Variants in DPYSL2 observed in about 807,000 individuals in gnomAD.
The protein encoded by DPYSL2 is dihydropyrimidinase like 2.
A neutral mutation model predicts 69.9 loss-of-function variants in DPYSL2; 13 were observed. The observed-to-expected ratio is 0.19, with a 90% CI of 0.12 to 0.30. DPYSL2 has a LOEUF of 0.30. Ranked by LOEUF, DPYSL2 falls within the 10% of genes least tolerant of loss-of-function variation. DPYSL2 has a pLI of 1.00. For synonymous variants in DPYSL2, 326 were observed against 359.1 expected (o/e 0.91, Z 1.04); for missense variants, 587 against 918.9 (o/e 0.64, Z 4.67).
At chr8:26,518,841 T>C (rs953405216) in intron 1 of DPYSL2, among the ~76,000 whole-genome samples, 1 of 152,232 alleles carries the variant, frequency 6.6e-6, no homozygotes, top group Non-Finnish European at 1.5e-5. Flanking sequence ...AAGTCTTTAA[T>C]GATTTAAAAA....
At chr8:26,552,575 A>G (rs1227675586) in intron 1 of DPYSL2, among the ~76,000 whole-genome samples, 2 of 152,210 alleles carry the variant, frequency 1.3e-5, no homozygotes, top group Admixed American at 6.5e-5. Flanking sequence ...GAGGCTGGGA[A>G]GTCCAAAGTC....
At chr8:26,583,136 A>G (rs540049101) in intron 2 of DPYSL2, among the ~76,000 whole-genome samples, 3 of 152,208 alleles carry the variant, frequency 2.0e-5, no homozygotes, top group Non-Finnish European at 2.9e-5. Context: ...TCCTAGATTA[A>G]TATTCCTTTT....
At chr8:26,524,846 T>G (rs1410778088) in intron 1 of DPYSL2, among the ~76,000 whole-genome samples, 2 of 102,166 alleles carry the variant, frequency 2.0e-5, no homozygotes, top group Non-Finnish European at 4.3e-5. Context: ...AGAGAGAGAA[T>G]TACTGTTTTT....
chr8:26,601,090 G>C (rs1563404336), intron 3 of DPYSL2, among the ~76,000 whole-genome samples: 2 of 152,192 alleles, frequency 1.3e-5, no homozygotes, highest in Non-Finnish European at 2.9e-5. Flanking sequence ...ATTCCCTCCT[G>C]ATCTCCAGAG....
At chr8:26,553,798 A>C (rs1800903975) in intron 1 of DPYSL2, among the ~76,000 whole-genome samples, 2 of 151,918 alleles carry the variant, frequency 1.3e-5, no homozygotes, top group South Asian at 4.2e-4. Context: ...AGGAATGACC[A>C]CACTACTTTC....
chr8:26,525,165 T>C (rs1808456188), intron 1 of DPYSL2, among the ~76,000 whole-genome samples: 1 of 152,186 alleles, frequency 6.6e-6, no homozygotes, highest in African/African-American at 2.4e-5. Context: ...TAAGATTATA[T>C]AATTATTTAC....
At chr8:26,635,363 G>C (rs1802887672) in intron 8 of DPYSL2, among the ~76,000 whole-genome samples, 1 of 152,212 alleles carries the variant, frequency 6.6e-6, no homozygotes. Flanking sequence ...ACATCCAGAT[G>C]TTTTGGTGCT....
chr8:26,602,810 G>A (rs1802021428), intron 3 of DPYSL2, among the ~76,000 whole-genome samples: 1 of 152,218 alleles, frequency 6.6e-6, no homozygotes, highest in Non-Finnish European at 1.5e-5. Flanking sequence ...AGATGAAAAT[G>A]AAATGTGAAG....
At chr8:26,525,140 T>C (rs570065304) in intron 1 of DPYSL2, among the ~76,000 whole-genome samples, 2 of 152,228 alleles carry the variant, frequency 1.3e-5, no homozygotes, top group Non-Finnish European at 2.9e-5. Flanking sequence ...TTTGCCTTTG[T>C]AGTCATTCTG....
rs1803379086 is a variant in DPYSL2 at position 26,655,982 on chromosome 8, T to G, written c.*276T>G. ...CATACAGGGAACCACACCCAACACTTAGACATGCGAACAAGCAGCCCCCAG... is the reference window on the plus strand; with the variant it reads ...CATACAGGGAACCACACCCAACACTGAGACATGCGAACAAGCAGCCCCCAG... On this transcript the variant is annotated 3_prime_UTR_variant, in exon 14 of 14. Coordinates refer to ENST00000521913, the MANE Select transcript of DPYSL2 (RefSeq NM_001197293.3). The G allele has an allele frequency of 3.1e-6, 1 of 326,794 alleles. No individual in the cohort carries two copies. Among genetic ancestry groups the G allele is most frequent in the Admixed American group, 4.8e-5 (1 of 20,626 alleles). The allele number at this position is 326,794 out of a possible 1,614,324, so 20.2% of individuals were successfully genotyped here.
intron 11 of DPYSL2, among the ~76,000 whole-genome samples, chr8:26,651,274 G>A (rs767855191): frequency 7.2e-5 from 11 of 152,188 alleles, no homozygotes; most frequent in Non-Finnish European, 1.5e-4. Context: ...TGAGCTGGCC[G>A]AATCCGTGTT....
chr8:26,544,493 T>C (rs1800733428), intron 1 of DPYSL2, among the ~76,000 whole-genome samples: 1 of 152,222 alleles, frequency 6.6e-6, no homozygotes. Flanking sequence ...CTGGACAGAC[T>C]AGATGTTTCA....
At chr8:26,561,475 G>C (rs965089227) in intron 1 of DPYSL2, among the ~76,000 whole-genome samples, 1 of 152,038 alleles carries the variant, frequency 6.6e-6, no homozygotes, top group Non-Finnish European at 1.5e-5. Flanking sequence ...ATATCTTAAA[G>C]GCATCTCAAA....
rs538318081 is a variant in DPYSL2, at chr8:26,539,898, G to C, written c.354+25219G>C. On this transcript the variant is annotated intron_variant, in intron 1 of 13. Coordinates refer to ENST00000521913, the MANE Select transcript of DPYSL2 (RefSeq NM_001197293.3). The stretch of plus-strand genomic sequence containing the variant: ...AGCCAGTCTTAAGTCTGGAAGAAGT[G>C]ACTGTTTCCACAAGTGCATAGACAC... Among the ~76,000 whole-genome samples the C allele has an allele frequency of 2.3e-4, 35 of 152,278 alleles. No homozygotes were observed. The Middle Eastern group carries it at 0.01, about 44-fold the overall frequency.
chr8:26,570,985 AC>A lies in DPYSL2; in HGVS notation c.355-10983del, dbSNP rs573985048. ...ATACATGTTAATTTCCTCCTCACTG[AC>A]AACATAACAGTATTTTAGAAGATTG... On this transcript the variant is annotated intron_variant, in intron 1 of 13. Transcript: ENST00000521913. 1.9e-3 allele frequency among the ~76,000 whole-genome samples: 282 copies of A among 152,332 alleles called. 3 individuals are homozygous for A. Among genetic ancestry groups the A allele is most frequent in the African/African-American group, 6.1e-3 (254 of 41,576 alleles).
At chr8:26,563,828 T>G (rs1445992993) in intron 1 of DPYSL2, among the ~76,000 whole-genome samples, 1 of 151,976 alleles carries the variant, frequency 6.6e-6, no homozygotes, top group Non-Finnish European at 1.5e-5. Context: ...AGAAGGCACT[T>G]AATGTAACCT....
intron 7 of DPYSL2, among the ~76,000 whole-genome samples, chr8:26,631,926 A>G (rs1249485926): frequency 6.6e-6 from 1 of 152,188 alleles, no homozygotes; most frequent in African/African-American, 2.4e-5. Flanking sequence ...GAGAACAAGT[A>G]TGGAACAATT....
intron 3 of DPYSL2, among the ~76,000 whole-genome samples, chr8:26,601,383 T>G (rs1228226758): frequency 6.6e-6 from 1 of 150,608 alleles, no homozygotes; most frequent in East Asian, 2.0e-4. Context: ...TTGTTTTTGT[T>G]TTTTTTTGTT....
chr8:26,655,511 C>A lies in DPYSL2; in HGVS notation c.1943-104C>A, dbSNP rs749774644. 420 of 1,024,692 alleles carry A rather than the reference C, an allele frequency of 4.1e-4. 3 individuals are homozygous for A. In the Middle Eastern group the frequency reaches 9.4e-3, roughly 23 times the overall value. The allele number at this position is 1,024,692 out of a possible 1,614,324, so 63.5% of individuals were successfully genotyped here. A position where few individuals can be genotyped will look rare whatever the true frequency, so the allele number is the denominator to read the frequency against. ...ACGCTGTCTCCAAAAAAAAAGAATG[C>A]GACTAGCACTTTTCCTCCTGAGCTG... On this transcript the variant is annotated intron_variant, in intron 13 of 13. Transcript: ENST00000521913.
Sources: gnomAD v4.1 joint callset for allele counts (sites outside exome capture counted in the v4.1 genomes callset) on GRCh38, gnomAD v4.1.1 for gene constraint, MANE v1.5 for transcripts, NCBI Gene and HGNC (gene_info 2026-07-23, HGNC 2026-07-21) for gene names.